Variants in ZC3H4 observed in about 807,000 individuals in gnomAD.
ZC3H4 encodes zinc finger CCCH-type containing 4.
In ZC3H4, 13 loss-of-function variants were observed where a neutral mutation model predicts 108.3. That is an observed-to-expected ratio of 0.12 (90% CI 0.08 to 0.19). The LOEUF is 0.19. Ranked by LOEUF, ZC3H4 falls within the 10% of genes least tolerant of loss-of-function variation. The pLI, the probability that ZC3H4 is intolerant of heterozygous loss-of-function variation, is 1.00. For missense variants in ZC3H4, 1,734 were observed against 1,838.8 expected, an observed-to-expected ratio of 0.94 and a Z score of 1.04; for synonymous variants, 917 against 749.6, an observed-to-expected ratio of 1.22 and a Z score of -3.65.
In ZC3H4 at chr19:47,112,338, C is replaced by G. The variant is rs961601856; in HGVS notation, c.161+86G>C. The G allele has an allele frequency of 2.5e-6, 3 of 1,207,544 alleles. No individual in the cohort carries two copies. The African/African-American group carries it at 4.7e-5, about 19-fold the overall frequency. The allele number at this position is 1,207,544 out of a possible 1,614,324, so 74.8% of individuals were successfully genotyped here. On this transcript the variant is annotated intron_variant, in intron 2 of 14. Transcript: ENST00000253048. ...CCTCCTCCTCCTCCTCCTCCGCGGC[C>G]CGGCCCAACATGGCGGCCGCCCCCC... is the stretch of plus-strand genomic sequence containing the variant.
chr19:47,080,365 C>G (rs1023195000), intron 11 of ZC3H4, among the ~76,000 whole-genome samples: 1 of 152,188 alleles, frequency 6.6e-6, no homozygotes, highest in Non-Finnish European at 1.5e-5. Flanking sequence ...CCCAAGGGAG[C>G]CTTCCCCTTT....
At chr19:47,098,694 G>A (rs1359527306) in intron 2 of ZC3H4, among the ~76,000 whole-genome samples, 17 of 152,198 alleles carry the variant, frequency 1.1e-4, no homozygotes, top group Admixed American at 1.1e-3. Flanking sequence ...AACCTGGGAG[G>A]CGGAGATTGC....
chr19:47,112,485 G>A lies in ZC3H4; in HGVS notation c.100C>T (p.Pro34Ser). 1.7e-6 allele frequency: 2 copies of A among 1,171,012 alleles called. No individual in the cohort carries two copies. Among genetic ancestry groups the A allele is most frequent in the Non-Finnish European group, 2.2e-6 (2 of 924,424 alleles). The allele number at this position is 1,171,012 out of a possible 1,614,324, so 72.5% of individuals were successfully genotyped here. A position where few individuals can be genotyped will look rare whatever the true frequency, so the allele number is the denominator to read the frequency against. Residue 34 changes from proline (P) to serine (S), a missense_variant, in exon 2 of 15, where the codon CCC becomes TCC. This residue lies in a region of ZC3H4 where 112 missense variants were observed against 73.3 expected (regional missense o/e 1.53). Coordinates refer to ENST00000253048, the MANE Select transcript of ZC3H4 (RefSeq NM_015168.2). The part of the protein sequence containing the change: ...PSTPSPPPCS[P>S]DARPATPHLL... ...TGCGGGGTGGCCGGGCGGGCGTCGG[G>A]GGAACACGGAGGAGGCGAAGGCGTT...
At chr19:47,090,440 C>T (rs1211122116) in intron 4 of ZC3H4, among the ~76,000 whole-genome samples, 10 of 152,126 alleles carry the variant, frequency 6.6e-5, no homozygotes, top group African/African-American at 2.4e-4. Context: ...CACAGACCCC[C>T]GATCCCTGAT....
chr19:47,095,764 T>A lies in ZC3H4; in HGVS notation c.162-1156A>T, dbSNP rs138426146. 1.4e-3 allele frequency among the ~76,000 whole-genome samples: 209 copies of A among 152,242 alleles called. No individual in the cohort carries two copies. In the South Asian group the frequency reaches 0.018, roughly 13 times the overall value. ...AGGAGTTGGTAAAGGAAAAAAACAA[T>A]CTTTTTGAATAATTTTAAAAAGCTC... On this transcript the variant is annotated intron_variant, in intron 2 of 14. Coordinates refer to ENST00000253048, the MANE Select transcript of ZC3H4 (RefSeq NM_015168.2).
In ZC3H4 at chr19:47,067,506, G is replaced by T. The variant is rs748493694; in HGVS notation, c.2762C>A (p.Pro921His). Reference protein sequence around the residue: ...GPSSSKGSGPPPTEEEEGERA... With the variant: ...GPSSSKGSGPHPTEEEEGERA... The stretch of plus-strand genomic sequence containing the variant: ...CTCCCCTTCCTCCTCCTCCGTTGGG[G>T]GCGGCCCAGACCCCTTGGAACTGCT... Residue 921 changes from proline (P) to histidine (H), a missense_variant, in exon 15 of 15, where the codon CCC becomes CAC. Physicochemically the swap from Pro to His is moderately conservative, Grantham distance 77. This residue lies in a region of ZC3H4 where 540 missense variants were observed against 484.1 expected (regional missense o/e 1.12). Coordinates refer to ENST00000253048, the MANE Select transcript of ZC3H4 (RefSeq NM_015168.2). The surrounding 1 kb of genome is among the most constrained non-coding windows in gnomAD (Gnocchi z 6.4). 6.3e-7 allele frequency: 1 copy of T among 1,588,296 alleles called. No individual in the cohort carries two copies. Among genetic ancestry groups the T allele is most frequent in the Non-Finnish European group, 8.6e-7 (1 of 1,166,078 alleles).
rs1429930339 is a variant in ZC3H4 at position 47,066,134 on chromosome 19, A to G, written c.*222T>C. On this transcript the variant is annotated 3_prime_UTR_variant, in exon 15 of 15. Coordinates refer to ENST00000253048, the MANE Select transcript of ZC3H4 (RefSeq NM_015168.2). ...TCGGTTTGCTCAGCAGGAGCCCCTG[A>G]GCCCGCCACACTGACCAGAACTTAA... is the stretch of plus-strand genomic sequence containing the variant. 7.4e-6 allele frequency: 3 copies of G among 407,028 alleles called. No homozygotes were observed. Among genetic ancestry groups the G allele is most frequent in the Admixed American group, 4.0e-5 (1 of 24,696 alleles). 25.2% of individuals were successfully genotyped at this position (407,028 alleles called of 1,614,324 possible).
Position 47,086,473 on chromosome 19 carries a change from T to C in ZC3H4, c.781A>G (p.Met261Val), listed in dbSNP as rs1462625369. 2 of 1,610,702 alleles carry C rather than the reference T, an allele frequency of 1.2e-6. No individual in the cohort carries two copies. The highest frequency in any genetic ancestry group is 1.7e-6 in the Non-Finnish European group (2 of 1,179,422). Reference protein sequence around the residue: ...GSRGGSRGRGMGRGSRGRGRG... With the variant: ...GSRGGSRGRGVGRGSRGRGRG... ...CCCCTGCCTCGGCTGCCCCTGCCCA[T>C]GCCGCGGCCTCGCGATCCTCCACGG... is the stretch of plus-strand genomic sequence containing the variant. Residue 261 changes from methionine (M) to valine (V), a missense_variant, in exon 6 of 15, where the codon ATG becomes GTG. Physicochemically the swap from Met to Val is conservative, Grantham distance 21. Around this residue, in one of 9 missense-constraint regions of ZC3H4, gnomAD observed 403 missense variants for 457.0 expected, o/e 0.88. Transcript: ENST00000253048.
chr19:47,073,837 G>T (rs190017385), intron 11 of ZC3H4, among the ~76,000 whole-genome samples: 12 of 152,332 alleles, frequency 7.9e-5, no homozygotes, highest in Non-Finnish European at 1.8e-4. Flanking sequence ...TTAGCAAAGT[G>T]CATCTATCTA....
At chr19:47,075,277 C>A (rs1440614927) in intron 11 of ZC3H4, among the ~76,000 whole-genome samples, 1 of 152,164 alleles carries the variant, frequency 6.6e-6, no homozygotes, top group African/African-American at 2.4e-5. Flanking sequence ...AACCCGCATT[C>A]TGCCCTTTGA....
At chr19:47,075,616 A>G (rs1600005678) in intron 11 of ZC3H4, among the ~76,000 whole-genome samples, 2 of 152,042 alleles carry the variant, frequency 1.3e-5, no homozygotes, top group African/African-American at 4.8e-5. Flanking sequence ...GTGCGCACAC[A>G]CACATACACA....
At chr19:47,107,945 C>T (rs1161910701) in intron 2 of ZC3H4, among the ~76,000 whole-genome samples, 2 of 152,196 alleles carry the variant, frequency 1.3e-5, no homozygotes, top group Non-Finnish European at 2.9e-5. Flanking sequence ...CCCAATCAAT[C>T]TCATTTTTAC....
intron 6 of ZC3H4, among the ~76,000 whole-genome samples, chr19:47,085,832 T>C (rs1021579708): frequency 2.0e-5 from 3 of 152,194 alleles, no homozygotes; most frequent in African/African-American, 4.8e-5. Flanking sequence ...TCTCTAGTGA[T>C]GGGATGTTTT....
intron 2 of ZC3H4, chr19:47,110,951 T>G (rs1384782537): frequency 4.1e-6 from 4 of 983,812 alleles, no homozygotes; most frequent in Middle Eastern, 5.2e-4. Flanking sequence ...AAAGGCAAAG[T>G]ATGGTCTGTG....
At chr19:47,088,560 A>G (rs973037310) in intron 5 of ZC3H4, among the ~76,000 whole-genome samples, 1 of 151,980 alleles carries the variant, frequency 6.6e-6, no homozygotes, top group South Asian at 2.1e-4. Context: ...AAAAAAAGAA[A>G]GAATTGCTTC....
chr19:47,112,484 G>A lies in ZC3H4; in HGVS notation c.101C>T (p.Pro34Leu). 8.6e-7 allele frequency: 1 copy of A among 1,169,430 alleles called. No homozygotes were observed. The highest frequency in any genetic ancestry group is 1.1e-6 in the Non-Finnish European group (1 of 923,064). 72.4% of individuals were successfully genotyped at this position (1,169,430 alleles called of 1,614,324 possible). A position where few individuals can be genotyped will look rare whatever the true frequency, so the allele number is the denominator to read the frequency against. ...GTGCGGGGTGGCCGGGCGGGCGTCG[G>A]GGGAACACGGAGGAGGCGAAGGCGT... ...PSTPSPPPCS[P>L]DARPATPHLL... is the part of the protein sequence containing the mutation. Residue 34 changes from proline (P) to leucine (L), a missense_variant, in exon 2 of 15, where the codon CCC (proline) becomes CTC (leucine). Physicochemically the swap from Pro to Leu is moderately conservative, Grantham distance 98. This residue lies in a region of ZC3H4 where 112 missense variants were observed against 73.3 expected (regional missense o/e 1.53). Coordinates refer to ENST00000253048, the MANE Select transcript of ZC3H4 (RefSeq NM_015168.2).
chr19:47,086,242 C>T, intron 6 of ZC3H4, 142 bp downstream of exon 6: 2 of 913,284 alleles, frequency 2.2e-6, no homozygotes, highest in South Asian at 3.1e-5. Flanking sequence ...TAAACACATA[C>T]ATCTGCGCTC....
rs113113003 is a variant in ZC3H4 at position 47,069,312 on chromosome 19, C to G, written c.2178G>C (p.Gly726=). 247 of 1,613,604 alleles carry G rather than the reference C, an allele frequency of 1.5e-4. 1 individual carries two copies. Among genetic ancestry groups the G allele is most frequent in the Non-Finnish European group, 2.1e-4 (245 of 1,179,792 alleles). ...CAGGGAAGAGGTGCTCCCCAGGCTC[C>G]CCTGGCAGCTCTTCGTAGTGCCCGT... is the stretch of plus-strand genomic sequence containing the variant. ...EDYGHYEELP[G]EPGEHLFPEH... is the part of the protein sequence containing the mutation. Residue 726 remains glycine, a synonymous_variant, in exon 14 of 15, where the codon GGG becomes GGC. Coordinates refer to ENST00000253048, the MANE Select transcript of ZC3H4 (RefSeq NM_015168.2).
At chr19:47,096,705 G>A (rs969056615) in intron 2 of ZC3H4, 3 of 723,608 alleles carry the variant, frequency 4.1e-6, no homozygotes, top group Non-Finnish European at 5.1e-6. Context: ...CATTACTCTC[G>A]ACACTTAAGT....
Sources: allele counts gnomAD v4.1 joint callset (sites outside exome capture counted in the v4.1 genomes callset), GRCh38; gene constraint gnomAD v4.1.1; regional missense constraint gnomAD v4.1.1; non-coding constraint Gnocchi (gnomAD v3.1); transcripts MANE v1.5; gene names NCBI Gene and HGNC (gene_info 2026-07-23, HGNC 2026-07-21).